UBE2D3: variants seen among roughly 807,000 people sequenced by gnomAD.
UBE2D3 encodes ubiquitin conjugating enzyme E2 D3, also known as ubiquitin-conjugating enzyme E2 D3.
Under a neutral mutation model 22.8 loss-of-function variants are expected in UBE2D3, and 2 were observed. That is an observed-to-expected ratio of 0.09 (90% CI 0.04 to 0.28). The LOEUF (loss-of-function observed/expected upper bound fraction) is 0.28. Among genes scored for constraint, UBE2D3 ranks in the 10% least tolerant of loss-of-function variants. UBE2D3 has a pLI of 1.00. For synonymous variants in UBE2D3, 56 were observed against 60.4 expected, an observed-to-expected ratio of 0.93 and a Z score of 0.34; for missense variants, 27 against 182.5, an observed-to-expected ratio of 0.15 and a Z score of 4.91.
chr4:102,826,660 A>G, intron 1 of UBE2D3, 24 bp from the exon 2 acceptor site: 1 of 1,545,398 alleles, frequency 6.5e-7, no homozygotes, highest in East Asian at 2.3e-5. Flanking sequence ...GGAGCAGATC[A>G]GCACTCGCAC....
In UBE2D3 at chr4:102,825,538, A is replaced by G. The variant is rs1730317359; in HGVS notation, c.24+947T>C. The G allele has an allele frequency of 1.2e-5, 14 of 1,175,990 alleles. 1 individual carries two copies. The South Asian group carries it at 2.1e-4, about 18-fold the overall frequency. 72.8% of individuals were successfully genotyped at this position (1,175,990 alleles called of 1,614,324 possible). ...CCAGTTAAAGCAGCCGCCATCTTAA[A>G]ATGCGGGATAGAAGTTAGAGCAAGA... On this transcript the variant is annotated intron_variant, in intron 2 of 7. Coordinates refer to ENST00000453744, the MANE Select transcript of UBE2D3 (RefSeq NM_181891.3).
chr4:102,844,052 A>C (rs970250258), intron 1 of UBE2D3: 1 of 152,184 alleles, frequency 6.6e-6, no homozygotes, highest in Non-Finnish European at 1.5e-5. Context: ...CTAGAACAGC[A>C]ACCATAATTG....
At chr4:102,868,855 C>T (rs1438804360) in exon 1 of UBE2D3, 2 of 1,530,422 alleles carry the variant, frequency 1.3e-6, no homozygotes, top group South Asian at 2.3e-5. Flanking sequence ...CCGAGGAGGG[C>T]CTCGCTACCC....
Position 102,795,910 on chromosome 4 carries a change from G to GT in UBE2D3, c.*1504dup, listed in dbSNP as rs1461020135. On this transcript the variant is annotated 3_prime_UTR_variant, in exon 8 of 8. Coordinates refer to ENST00000453744, the MANE Select transcript of UBE2D3 (RefSeq NM_181891.3). ...TCAGAATTAGGAAAGGTGAAGAATGGTAATGCCCTTGTTACTACAGAAGTT... is the reference window on the plus strand; with the variant it reads ...TCAGAATTAGGAAAGGTGAAGAATGGTTAATGCCCTTGTTACTACAGAAGTT... 1 of 152,426 alleles carries GT rather than the reference G, an allele frequency of 6.6e-6. No homozygotes were observed. The highest frequency in any genetic ancestry group is 1.5e-5 in the Non-Finnish European group (1 of 67,904). The allele number at this position is 152,426 out of a possible 1,614,324, so 9.4% of individuals were successfully genotyped here.
intron 1 of UBE2D3, among the ~76,000 whole-genome samples, chr4:102,861,095 G>T (rs991461062): frequency 1.3e-5 from 2 of 151,964 alleles, no homozygotes; most frequent in South Asian, 4.1e-4. Context: ...GCGGCAACAC[G>T]CAAGGCTAGG....
rs1182167811 is a variant in UBE2D3 at position 102,813,712 on chromosome 4, G to A, written c.25-3857C>T. Among the ~76,000 whole-genome samples the A allele has an allele frequency of 3.3e-5, 5 of 152,232 alleles. No individual in the cohort carries two copies. The East Asian group carries it at 5.8e-4, about 18-fold the overall frequency. ...GGAGTTAACACTGGACTAATTTAACGCTAAGAAAGGGAACCTTGGCCAGTA... is the reference window on the plus strand; with the variant it reads ...GGAGTTAACACTGGACTAATTTAACACTAAGAAAGGGAACCTTGGCCAGTA... On this transcript the variant is annotated intron_variant, in intron 2 of 7. Transcript: ENST00000453744.
chr4:102,857,108 T>C (rs1732661213), intron 1 of UBE2D3, among the ~76,000 whole-genome samples: 1 of 152,200 alleles, frequency 6.6e-6, no homozygotes, highest in South Asian at 2.1e-4. Flanking sequence ...ACCACACTAA[T>C]GCAGGATATT....
At chr4:102,827,326 C>A in intron 1 of UBE2D3, 101 bp downstream of exon 1, 1 of 974,024 alleles carries the variant, frequency 1.0e-6, no homozygotes, top group Non-Finnish European at 1.2e-6. Context: ...ACCCAATAGG[C>A]TGGCCGCTCA....
At chr4:102,837,815 G>T (rs935403891) in intron 1 of UBE2D3, among the ~76,000 whole-genome samples, 3 of 152,204 alleles carry the variant, frequency 2.0e-5, no homozygotes, top group African/African-American at 7.2e-5. Flanking sequence ...AGCCAGGCGT[G>T]GTGGCAGGCA....
At chr4:102,854,400 AAG>A (rs760796882) in intron 1 of UBE2D3, among the ~76,000 whole-genome samples, 1 of 152,002 alleles carries the variant, frequency 6.6e-6, no homozygotes, top group Non-Finnish European at 1.5e-5. Flanking sequence ...GAATTATTGA[AAG>A]AGAGATATTG....
At chr4:102,848,487 A>T (rs1732161464) in intron 1 of UBE2D3, among the ~76,000 whole-genome samples, 1 of 152,140 alleles carries the variant, frequency 6.6e-6, no homozygotes, top group African/African-American at 2.4e-5. Context: ...TCTACTAAAA[A>T]TACAAAAATT....
chr4:102,828,264 C>A, upstream of UBE2D3: 1 of 985,370 alleles, frequency 1.0e-6, no homozygotes, highest in Non-Finnish European at 1.2e-6. Context: ...GGATTAATTA[C>A]CAGATACCTT....
At chr4:102,827,121 C>T (rs1236759893) in intron 1 of UBE2D3, 1 of 985,912 alleles carries the variant, frequency 1.0e-6, no homozygotes, top group South Asian at 4.6e-5. Flanking sequence ...GCGAGCTATT[C>T]TGTGTCACCC....
chr4:102,813,883 C>T (rs909090637), intron 2 of UBE2D3, among the ~76,000 whole-genome samples: 5 of 152,162 alleles, frequency 3.3e-5, no homozygotes, highest in African/African-American at 1.2e-4. Context: ...AATGGTCAGT[C>T]TAGATTAATG....
At chr4:102,799,343 A>G in intron 7 of UBE2D3, 64 bp downstream of exon 7, 1 of 1,305,370 alleles carries the variant, frequency 7.7e-7, no homozygotes, top group Non-Finnish European at 1.1e-6. Flanking sequence ...CACTGTCACA[A>G]GCAAAGTATA....
chr4:102,860,413 GTGTGTGTGTA>G lies in UBE2D3; in HGVS notation c.-129+8292_-129+8301del, dbSNP rs1352808674. ...GTTGTCATGTTTTCCTGGTGTGTGT[GTGTGTGTGTA>G]TGTGTGTGTGTGTGTGTTCTTTTAA... On this transcript the variant is annotated intron_variant, in intron 1 of 7. Coordinates refer to the UBE2D3 transcript ENST00000338145. Among the ~76,000 whole-genome samples, 104 of 123,656 alleles carry G rather than the reference GTGTGTGTGTA, an allele frequency of 8.4e-4. 1 individual carries two copies. Among genetic ancestry groups the G allele is most frequent in the African/African-American group, 8.5e-4 (25 of 29,320 alleles). The allele number at this position is 123,656 out of a possible 152,430, so 81.1% of individuals were successfully genotyped here.
intron 4 of UBE2D3, among the ~76,000 whole-genome samples, chr4:102,804,465 A>G (rs961948918): frequency 2.0e-5 from 3 of 151,936 alleles, no homozygotes; most frequent in Admixed American, 6.6e-5. Context: ...GTCCTTTTTC[A>G]TATTTTCTAC....
In UBE2D3 at chr4:102,826,898, GGT is replaced by G. The variant is rs1019340318; in HGVS notation, c.-128-264_-128-263del. ...GGAAGAGGCGTAGGAGAAAGGGGTG[GGT>G]GCGGGGCAGGGTCCGGAGCCCAGCA... is the stretch of plus-strand genomic sequence containing the variant. On this transcript the variant is annotated intron_variant, in intron 1 of 7. Coordinates refer to ENST00000453744, the MANE Select transcript of UBE2D3 (RefSeq NM_181891.3). 4.8e-6 allele frequency: 5 copies of G among 1,049,532 alleles called. No homozygotes were observed. In the African/African-American group the frequency reaches 8.5e-5, roughly 18 times the overall value. The allele number at this position is 1,049,532 out of a possible 1,614,324, so 65.0% of individuals were successfully genotyped here. A position where few individuals can be genotyped will look rare whatever the true frequency, so the allele number is the denominator to read the frequency against.
At chr4:102,812,493 ACAACC>A (rs1193197420) in intron 2 of UBE2D3, 3 of 152,358 alleles carry the variant, frequency 2.0e-5, no homozygotes, top group Middle Eastern at 3.4e-3. Context: ...AGAACAAAAA[ACAACC>A]CAGCTTCCAA....
Sources: gnomAD v4.1 joint callset for allele counts (sites outside exome capture counted in the v4.1 genomes callset) on GRCh38, gnomAD v4.1.1 for gene constraint, MANE v1.5 for transcripts, NCBI Gene and HGNC (gene_info 2026-07-23, HGNC 2026-07-21) for gene names.